Variants in CPZ observed in about 807,000 individuals in gnomAD.
The protein encoded by CPZ is VEZT/CPZ fusion.
CPZ carries 103 observed loss-of-function variants against 61.8 expected under a neutral mutation model. The observed-to-expected ratio is 1.67, with a 90% CI of 1.42 to 1.96. The LOEUF is 1.96. Among genes scored for constraint, CPZ ranks in the 30% most tolerant of loss-of-function variants. The pLI is 0.00. For synonymous variants in CPZ, 551 were observed against 373.7 expected (o/e 1.47, Z -5.47); for missense variants, 1,461 against 914.9 (o/e 1.60, Z -7.70).
At chr4:8,611,594 A>T (rs184766826) in intron 7 of CPZ, among the ~76,000 whole-genome samples, 29 of 152,276 alleles carry the variant, frequency 1.9e-4, no homozygotes, top group African/African-American at 6.3e-4. Flanking sequence ...TATTCATAGA[A>T]GTAGTTGGCT....
At chr4:8,608,745 A>C (rs1476920713) in intron 7 of CPZ, among the ~76,000 whole-genome samples, 2 of 151,952 alleles carry the variant, frequency 1.3e-5, no homozygotes, top group Non-Finnish European at 2.9e-5. Context: ...GCGGTTTCCC[A>C]AAAGGTCTCC....
At chr4:8,612,707 C>A (rs934105874) in intron 8 of CPZ, among the ~76,000 whole-genome samples, 1 of 152,192 alleles carries the variant, frequency 6.6e-6, no homozygotes, top group Non-Finnish European at 1.5e-5. Context: ...TGGGCATATG[C>A]CACTGTGTGT....
chr4:8,613,931 G>A (rs930082248), intron 8 of CPZ, among the ~76,000 whole-genome samples: 9 of 152,258 alleles, frequency 5.9e-5, no homozygotes, highest in Non-Finnish European at 8.8e-5. Flanking sequence ...GGGCCTGTGC[G>A]GCTGCCCCGT....
At position 8,609,206 on chromosome 4, in the gene CPZ, A is replaced by C. The variant is rs534248853; in HGVS notation, c.1227+1781A>C. On this transcript the variant is annotated intron_variant, in intron 7 of 10. Transcript: ENST00000360986. ...CAGGCATTCACTCACTCCCTCACTC[A>C]CTTACTCATTCACTTACTCACTCAT... is the stretch of plus-strand genomic sequence containing the variant. Among the ~76,000 whole-genome samples, 84 of 91,796 alleles carry C rather than the reference A, an allele frequency of 9.2e-4. 1 individual carries two copies. The highest frequency in any genetic ancestry group is 2.7e-3 in the African/African-American group (79 of 29,414). 60.2% of individuals were successfully genotyped at this position (91,796 alleles called of 152,430 possible).
At chr4:8,607,902 G>T (rs1577117931) in intron 7 of CPZ, among the ~76,000 whole-genome samples, 1 of 152,128 alleles carries the variant, frequency 6.6e-6, no homozygotes, top group African/African-American at 2.4e-5. Flanking sequence ...AGGAGTTCTG[G>T]TCCCACCGTC....
intron 7 of CPZ, 104 bp downstream of exon 7, chr4:8,607,529 G>A (rs957171492): frequency 1.2e-5 from 17 of 1,370,664 alleles, no homozygotes; most frequent in Non-Finnish European, 1.6e-5. Context: ...AAAGCTCCTA[G>A]GAACCTCTAC....
intron 8 of CPZ, 37 bp downstream of exon 8, chr4:8,612,199 GGGGGTGCAGGGGCTGGGT>G: frequency 1.4e-5 from 5 of 344,862 alleles, no homozygotes; most frequent in Non-Finnish European, 1.9e-5. Flanking sequence ...GCGGGGGGTG[GGGGGTGCAGGGGCTGGGT>G]GGGGCAGGGG....
chr4:8,609,184 G>GCTCCCTCACTCACTCACTCCCT (rs1577120139), intron 7 of CPZ, among the ~76,000 whole-genome samples: 1 of 109,324 alleles, frequency 9.1e-6, no homozygotes, highest in East Asian at 3.0e-4. Context: ...ATTCACTCAG[G>GCTCCCTCACTCACTCACTCCCT]CATTCACTCA....
intron 4 of CPZ, among the ~76,000 whole-genome samples, 176 bp downstream of exon 4, chr4:8,604,364 AAAG>A (rs1300028765): frequency 3.3e-5 from 5 of 152,262 alleles, no homozygotes; most frequent in African/African-American, 9.6e-5. Flanking sequence ...CTATATGTAT[AAAG>A]AAGAATTTCT....
intron 9 of CPZ, 176 bp from the exon 10 acceptor site, chr4:8,618,253 G>A (rs1371201611): frequency 9.8e-6 from 6 of 612,714 alleles, no homozygotes; most frequent in Non-Finnish European, 1.7e-5. Flanking sequence ...GAGGCCCAGA[G>A]AGGGGAGTGA....
Position 8,619,717 on chromosome 4 carries a change from C to T in CPZ, c.*100C>T, listed in dbSNP as rs941721062. The stretch of plus-strand genomic sequence containing the variant: ...TGTCTGCCACAGACATCCCACAAAG[C>T]CGCTGCCATTTTATTAAAGTGTTTT... On this transcript the variant is annotated 3_prime_UTR_variant, in exon 11 of 11. Coordinates refer to ENST00000360986, the MANE Select transcript of CPZ (RefSeq NM_001014447.3). The T allele has an allele frequency of 3.4e-6, 3 of 886,180 alleles. No homozygotes were observed. The highest frequency in any genetic ancestry group is 4.9e-6 in the Non-Finnish European group (3 of 615,974). 54.9% of individuals were successfully genotyped at this position (886,180 alleles called of 1,614,324 possible).
Position 8,606,763 on chromosome 4 carries a change from C to G in CPZ, c.933C>G (p.Ser311Arg), listed in dbSNP as rs749829009. Residue 311 changes from serine to arginine, a missense_variant, in exon 6 of 11, where the codon AGC becomes AGG. Transcript: ENST00000360986. The stretch of plus-strand genomic sequence containing the variant: ...GTGCCGGCTACAACGGGTGGACGAG[C>G]GGGAGGCAGAACGCGCAGAACCTGG... ...AEGAGYNGWT[S>R]GRQNAQNLDL... The G allele has an allele frequency of 4.3e-6, 7 of 1,614,138 alleles. No homozygotes were observed. In the East Asian group the frequency reaches 1.3e-4, roughly 31 times the overall value.
At chr4:8,592,984 C>G in intron 1 of CPZ, 63 bp downstream of exon 1, 3 of 1,312,750 alleles carry the variant, frequency 2.3e-6, no homozygotes, top group Non-Finnish European at 3.1e-6. Context: ...GAGTGTGATC[C>G]GTCGCTTCCC....
intron 5 of CPZ, 83 bp from the exon 6 acceptor site, chr4:8,606,654 C>A: frequency 6.4e-7 from 1 of 1,566,634 alleles, no homozygotes; most frequent in Non-Finnish European, 8.8e-7. Context: ...GGCCTTGACC[C>A]TCAGCCCAGC....
At position 8,612,096 on chromosome 4, in the gene CPZ, T is replaced by A. The variant is rs538387375; in HGVS notation, c.1297T>A (p.Cys433Ser). The A allele has an allele frequency of 6.2e-7, 1 of 1,611,490 alleles. No homozygotes were observed. Among genetic ancestry groups the A allele is most frequent in the African/African-American group, 1.3e-5 (1 of 74,318 alleles). Residue 433 changes from cysteine to serine, a missense_variant, in exon 8 of 11, where the codon TGT becomes AGT. Transcript: ENST00000360986. ...PMMMDRSENR[C>S]GGNFLKRGSI... Reference sequence around the variant, plus strand: ...GATGATGGACAGGTCGGAGAATAGGTGTGGAGGCAATTTCCTGAAGAGGGG... The same window carrying A: ...GATGATGGACAGGTCGGAGAATAGGAGTGGAGGCAATTTCCTGAAGAGGGG...
chr4:8,618,082 G>C (rs1484341325), intron 9 of CPZ: 1 of 312,142 alleles, frequency 3.2e-6, no homozygotes, highest in East Asian at 8.1e-5. Context: ...AGTCCCGCTG[G>C]GGCTGGGAAG....
At chr4:8,599,653 C>T (rs1241535647) in intron 2 of CPZ, 168 bp downstream of exon 2, 6 of 1,443,758 alleles carry the variant, frequency 4.2e-6, no homozygotes, top group East Asian at 5.2e-5. Flanking sequence ...AAAAATTAGA[C>T]ATAACAAAAA....
At chr4:8,616,904 G>A (rs1716220178) in intron 9 of CPZ, among the ~76,000 whole-genome samples, 2 of 152,226 alleles carry the variant, frequency 1.3e-5, no homozygotes, top group African/African-American at 2.4e-5. Context: ...GGCAGTGGCT[G>A]TCAGTCCCTC....
chr4:8,594,476 A>C (rs537158615), intron 1 of CPZ, among the ~76,000 whole-genome samples: 1 of 152,096 alleles, frequency 6.6e-6, no homozygotes, highest in Non-Finnish European at 1.5e-5. Flanking sequence ...TGACTCCTCA[A>C]CTCTGCTGTG....
Sources: gnomAD v4.1 joint callset for allele counts (sites outside exome capture counted in the v4.1 genomes callset) on GRCh38, gnomAD v4.1.1 for gene constraint, MANE v1.5 for transcripts, NCBI Gene and HGNC (gene_info 2026-07-23, HGNC 2026-07-21) for gene names.